The following STAG2 variants were observed in gnomAD, a reference collection of about 807,000 sequenced individuals.
STAG2 encodes the protein STAG2 cohesin complex component.
Under a neutral mutation model 108.1 loss-of-function variants are expected in STAG2, and 14 were observed. That is an observed-to-expected ratio of 0.13 (90% CI 0.09 to 0.20). The LOEUF (loss-of-function observed/expected upper bound fraction) is 0.20. Among genes scored for constraint, STAG2 ranks in the 10% least tolerant of loss-of-function variants. The probability of loss-of-function intolerance (pLI) is 1.00; values close to 1 mark genes in which losing one functional copy is unlikely to be tolerated. For missense variants in STAG2, 440 were observed against 940.9 expected (o/e 0.47, Z 6.96); for synonymous variants, 307 against 302.7 (o/e 1.01, Z -0.15).
intron 25 of STAG2, among the ~76,000 whole-genome samples, chrX:124,072,857 C>T (rs1044168129): frequency 9.4e-6 from 1 of 106,803 alleles, no homozygotes; most frequent in Non-Finnish European, 1.9e-5. Context: ...CCCACCACCA[C>T]GCCCAGCTAA....
At chrX:124,048,132 G>A (rs1239550874) in intron 9 of STAG2, among the ~76,000 whole-genome samples, 4 of 111,591 alleles carry the variant, frequency 3.6e-5, no homozygotes, top group Admixed American at 9.5e-5. Context: ...AAAAATATTA[G>A]TAATGCAGTT....
intron 1 of STAG2, among the ~76,000 whole-genome samples, chrX:123,981,075 T>C (rs1455633933): frequency 4.5e-5 from 5 of 111,283 alleles, no homozygotes; most frequent in Non-Finnish European, 1.9e-5. Context: ...GGGAAATTAT[T>C]ATCAATATGA....
intron 32 of STAG2, among the ~76,000 whole-genome samples, chrX:124,093,719 A>C (rs774880855): frequency 1.0e-3 from 112 of 111,401 alleles, no homozygotes; most frequent in Non-Finnish European, 1.7e-3. Flanking sequence ...AAAGGATTTG[A>C]GGTATCTTGT....
At chrX:124,092,557 C>T (rs943515526) in intron 32 of STAG2, among the ~76,000 whole-genome samples, 5 of 111,708 alleles carry the variant, frequency 4.5e-5, no homozygotes, top group East Asian at 5.6e-4. Context: ...TTAACTCCCC[C>T]GCCTCCCGGC....
chrX:124,062,362 T>C (rs186391483), intron 17 of STAG2, among the ~76,000 whole-genome samples: 150 of 112,461 alleles, frequency 1.3e-3, no homozygotes, highest in African/African-American at 4.4e-3. Context: ...TCTTATATTG[T>C]GACGTATTAC....
intron 6 of STAG2, among the ~76,000 whole-genome samples, chrX:124,040,881 CAG>C (rs2057694346): frequency 1.3e-5 from 1 of 74,976 alleles, no homozygotes; most frequent in African/African-American, 5.4e-5. Context: ...TTTTGTGAGA[CAG>C]AGTCTCACTC....
intron 4 of STAG2, among the ~76,000 whole-genome samples, chrX:124,030,220 C>A (rs752694606): frequency 9.0e-6 from 1 of 111,708 alleles, no homozygotes; most frequent in Non-Finnish European, 1.9e-5. Context: ...TCTTGCTGCC[C>A]ACTTCAGTCT....
At chrX:123,995,299 C>G (rs1344276006) in intron 1 of STAG2, among the ~76,000 whole-genome samples, 1 of 111,833 alleles carries the variant, frequency 8.9e-6, no homozygotes, top group African/African-American at 3.3e-5. Flanking sequence ...ACAACGAATC[C>G]GTTTTAGCAG....
intron 32 of STAG2, among the ~76,000 whole-genome samples, chrX:124,093,506 C>T (rs1407759956): frequency 1.0e-5 from 1 of 99,542 alleles, no homozygotes; most frequent in Non-Finnish European, 2.0e-5. Flanking sequence ...ATCCATAGGA[C>T]ACAGTAGAAG....
rs922613006 is a variant in STAG2, at chrX:123,965,399, A to G, written c.-163+3543A>G. 8.1e-5 allele frequency among the ~76,000 whole-genome samples: 9 copies of G among 111,777 alleles called. No individual in the cohort carries two copies. The South Asian group carries it at 1.1e-3, about 14-fold the overall frequency. ...CTCAAATAAGATTTTCATGAAATCA[A>G]ATTCTACATTTCTTTTTCAACTGTA... On this transcript the variant is annotated intron_variant, in intron 1 of 34. Coordinates refer to ENST00000371145, the MANE Select transcript of STAG2 (RefSeq NM_001042750.2).
At chrX:124,016,656 A>AT (rs1176046266) in intron 1 of STAG2, among the ~76,000 whole-genome samples, 21 of 111,186 alleles carry the variant, frequency 1.9e-4, no homozygotes, top group Admixed American at 9.6e-5. Flanking sequence ...TTGACACAAC[A>AT]TTTTTTTCTT....
chrX:124,034,611 G>A (rs2057448182), intron 5 of STAG2, among the ~76,000 whole-genome samples: 1 of 110,760 alleles, frequency 9.0e-6, no homozygotes, highest in Non-Finnish European at 1.9e-5. Flanking sequence ...TTTTCTTGTT[G>A]TTTGCAATAG....
At chrX:124,024,170 T>G (rs2057019218) in intron 3 of STAG2, among the ~76,000 whole-genome samples, 1 of 110,738 alleles carries the variant, frequency 9.0e-6, no homozygotes, top group African/African-American at 3.3e-5. Flanking sequence ...CTCTAGTGCT[T>G]CACTCTTAGT....
At chrX:124,066,465 T>C in intron 23 of STAG2, 29 bp downstream of exon 23, 1 of 1,017,596 alleles carries the variant, frequency 9.8e-7, no homozygotes, top group Non-Finnish European at 1.4e-6. Flanking sequence ...GTGTTTTTAT[T>C]AGACTAAATA....
intron 1 of STAG2, among the ~76,000 whole-genome samples, chrX:124,000,793 G>A (rs1303162778): frequency 8.9e-6 from 1 of 112,007 alleles, no homozygotes; most frequent in East Asian, 2.8e-4. Flanking sequence ...TGTCCCTGAA[G>A]ACCTTCCAGT....
At chrX:124,086,413 GAC>G (rs1306513431) in intron 29 of STAG2, 132 bp from the exon 30 acceptor site, 1 of 470,946 alleles carries the variant, frequency 2.1e-6, no homozygotes, top group Non-Finnish European at 3.6e-6. Flanking sequence ...TCTTGGCAGA[GAC>G]AACATTGTTC....
At position 124,015,376 on chromosome X, in the gene STAG2, TAAG is replaced by T. The variant is rs2056681824; in HGVS notation, c.-162-5985_-162-5983del. On this transcript the variant is annotated intron_variant, in intron 1 of 34. Coordinates refer to ENST00000371145, the MANE Select transcript of STAG2 (RefSeq NM_001042750.2). ...AGAGGGAGGACAAATATCTTTTAGG[TAAG>T]AAGAATTTCTTTTTTTTTTTTTTGA... is the stretch of plus-strand genomic sequence containing the variant. Among the ~76,000 whole-genome samples, 3 of 107,476 alleles carry T rather than the reference TAAG, an allele frequency of 2.8e-5. No homozygotes were observed. The Admixed American group carries it at 3.0e-4, about 11-fold the overall frequency. The allele number at this position is 107,476 out of a possible 115,157, so 93.3% of individuals were successfully genotyped here.
At chrX:124,070,631 T>C (rs991355370) in intron 24 of STAG2, among the ~76,000 whole-genome samples, 53 of 112,263 alleles carry the variant, frequency 4.7e-4, no homozygotes, top group Non-Finnish European at 7.9e-4. Context: ...ACTTAATCAG[T>C]ACACGTGTGA....
intron 28 of STAG2, among the ~76,000 whole-genome samples, chrX:124,082,149 G>C (rs1019332480): frequency 2.8e-5 from 3 of 105,421 alleles, no homozygotes; most frequent in Non-Finnish European, 4.1e-5. Context: ...CTCATTGTCA[G>C]ATAGAGAAAT....
Sources: gnomAD v4.1 joint callset for allele counts (sites outside exome capture counted in the v4.1 genomes callset) on GRCh38, gnomAD v4.1.1 for gene constraint, MANE v1.5 for transcripts, NCBI Gene and HGNC (gene_info 2026-07-23, HGNC 2026-07-21) for gene names.